Variants in RNF144B observed in about 807,000 individuals in gnomAD.
RNF144B encodes the protein E3 ubiquitin-protein ligase RNF144B.
RNF144B carries 25 observed loss-of-function variants against 40.2 expected under a neutral mutation model. The observed-to-expected ratio is 0.62, with a 90% CI of 0.45 to 0.87. RNF144B has a LOEUF of 0.87. Among genes scored for constraint, RNF144B ranks in the 40% least tolerant of loss-of-function variants. RNF144B has a pLI of 0.00. For missense variants in RNF144B, 365 were observed against 373.7 expected (o/e 0.98, Z 0.19); for synonymous variants, 145 against 136.3 (o/e 1.06, Z -0.44).
intron 2 of RNF144B, among the ~76,000 whole-genome samples, chr6:18,426,138 T>C (rs576210324): frequency 3.9e-4 from 60 of 152,362 alleles, no homozygotes; most frequent in Non-Finnish European, 7.3e-4. Context: ...CCTAGAATTT[T>C]ACTTTTGGCT....
intron 4 of RNF144B, among the ~76,000 whole-genome samples, chr6:18,452,634 G>A (rs1166948572): frequency 2.0e-5 from 3 of 151,860 alleles, no homozygotes; most frequent in Admixed American, 6.6e-5. Context: ...TATAAAAGTA[G>A]TACTTGACCT....
At chr6:18,449,623 T>G (rs995349373) in intron 4 of RNF144B, among the ~76,000 whole-genome samples, 15 of 152,038 alleles carry the variant, frequency 9.9e-5, no homozygotes, top group Non-Finnish European at 1.8e-4. Flanking sequence ...ATCTTATGTG[T>G]TAATCTATTT....
At chr6:18,417,217 AT>A in intron 2 of RNF144B, among the ~76,000 whole-genome samples, 1 of 152,182 alleles carries the variant, frequency 6.6e-6, no homozygotes, top group Non-Finnish European at 1.5e-5. Context: ...TTCCGACTAA[AT>A]TCTAGGCTTA....
In RNF144B at chr6:18,425,538, A is replaced by G. The variant is rs967117991; in HGVS notation, c.166-2043A>G. Among the ~76,000 whole-genome samples the G allele has an allele frequency of 1.3e-5, 2 of 152,050 alleles. No homozygotes were observed. The highest frequency in any genetic ancestry group is 2.4e-5 in the African/African-American group (1 of 41,390). Reference sequence around the variant, plus strand: ...TATTTCCTTGCTGCTGCTCTCTTCTATGTCCCACTGCTGCTGCTGCTGGAT... The same window carrying G: ...TATTTCCTTGCTGCTGCTCTCTTCTGTGTCCCACTGCTGCTGCTGCTGGAT... On this transcript the variant is annotated intron_variant, in intron 2 of 7. Coordinates refer to ENST00000259939, the MANE Select transcript of RNF144B (RefSeq NM_182757.4). The surrounding 1 kb of genome is among the most constrained non-coding windows in gnomAD (Gnocchi z 4.2).
rs11455735 is a variant in RNF144B, at chr6:18,388,806, A to ATT, written c.-37+1186_-37+1187dup. Reference sequence around the variant, plus strand: ...CTGCCCTTGCACACCTTTGACTGGCATTTTTTTTTTTATTTTTGTCGTGGG... The same window carrying ATT: ...CTGCCCTTGCACACCTTTGACTGGCATTTTTTTTTTTTTATTTTTGTCGTGGG... On this transcript the variant is annotated intron_variant, in intron 1 of 7. Coordinates refer to ENST00000259939, the MANE Select transcript of RNF144B (RefSeq NM_182757.4). 9.1e-4 allele frequency among the ~76,000 whole-genome samples: 136 copies of ATT among 149,932 alleles called. 1 individual carries two copies. Among genetic ancestry groups the ATT allele is most frequent in the East Asian group, 7.1e-3 (36 of 5,104 alleles).
chr6:18,387,699 A>G, intron 1 of RNF144B, 69 bp downstream of exon 1: 1 of 1,230,586 alleles, frequency 8.1e-7, no homozygotes, highest in Admixed American at 2.6e-5. Context: ...GGACTAAGGA[A>G]AAAGGACAGG....
chr6:18,435,985 C>T (rs999798334), intron 3 of RNF144B, among the ~76,000 whole-genome samples: 9 of 151,756 alleles, frequency 5.9e-5, no homozygotes, highest in African/African-American at 2.2e-4. Flanking sequence ...AACAAACCTG[C>T]ACGTTGTGCA....
chr6:18,439,832 A>G, intron 4 of RNF144B, 88 bp downstream of exon 4: 3 of 854,204 alleles, frequency 3.5e-6, no homozygotes, highest in Non-Finnish European at 6.0e-6. Flanking sequence ...AAAGGCAGCT[A>G]TGGGCTGTCA....
intron 3 of RNF144B, among the ~76,000 whole-genome samples, chr6:18,429,559 A>G (rs534370930): frequency 2.0e-5 from 3 of 151,510 alleles, no homozygotes; most frequent in Non-Finnish European, 2.9e-5. Flanking sequence ...AAATCATGGA[A>G]TAACTTTTTT....
intron 2 of RNF144B, among the ~76,000 whole-genome samples, chr6:18,409,314 G>A (rs1192241023): frequency 7.0e-6 from 1 of 142,852 alleles, no homozygotes; most frequent in Non-Finnish European, 1.5e-5. Context: ...GGAAGTGGAG[G>A]TTGCAGTGAG....
rs79462351 is a variant in RNF144B at position 18,396,986 on chromosome 6, G to A, written c.-36-2513G>A. 4.1e-3 allele frequency among the ~76,000 whole-genome samples: 629 copies of A among 152,202 alleles called. 8 individuals are homozygous for A. The highest frequency in any genetic ancestry group is 0.014 in the African/African-American group (602 of 41,518). On this transcript the variant is annotated intron_variant, in intron 1 of 7. Coordinates refer to ENST00000259939, the MANE Select transcript of RNF144B (RefSeq NM_182757.4). ...AACGCTGTGTCTTGAACTTTATCCG[G>A]CATTTGCTGAGAAAAAAACCATGTC...
At position 18,457,715 on chromosome 6, in the gene RNF144B, T is replaced by C. The variant is rs1372020480; in HGVS notation, c.536+356T>C. Among the ~76,000 whole-genome samples, 1 of 152,168 alleles carries C rather than the reference T, an allele frequency of 6.6e-6. No homozygotes were observed. The highest frequency in any genetic ancestry group is 2.4e-5 in the African/African-American group (1 of 41,434). On this transcript the variant is annotated intron_variant, in intron 5 of 7. Coordinates refer to ENST00000259939, the MANE Select transcript of RNF144B (RefSeq NM_182757.4). This position sits in a 1 kb window ranked among gnomAD's most constrained non-coding sequence, Gnocchi z 5.1. ...TATTGGTATATATCATTCTTGTTGC[T>C]TGCAAAATGAGAAAAGAAATTTTCT... is the stretch of plus-strand genomic sequence containing the variant.
Position 18,457,606 on chromosome 6 carries a change from G to T in RNF144B, c.536+247G>T, listed in dbSNP as rs527801702. ...TTGTATGAGTTTTGCTTTCTCTTTA[G>T]GTAGTGAGGCACCGTGGTCTACTGG... is the stretch of plus-strand genomic sequence containing the variant. On this transcript the variant is annotated intron_variant, in intron 5 of 7. Transcript: ENST00000259939. The surrounding 1 kb of genome is among the most constrained non-coding windows in gnomAD (Gnocchi z 5.1). Among the ~76,000 whole-genome samples the T allele has an allele frequency of 3.9e-5, 6 of 152,258 alleles. No homozygotes were observed. Among genetic ancestry groups the T allele is most frequent in the African/African-American group, 1.4e-4 (6 of 41,556 alleles).
intron 6 of RNF144B, among the ~76,000 whole-genome samples, chr6:18,461,298 T>C (rs1317677866): frequency 6.6e-6 from 1 of 152,170 alleles, no homozygotes; most frequent in African/African-American, 2.4e-5. Context: ...GGCCCTTGAG[T>C]TACAATTATG....
rs1199134844 is a variant in RNF144B at position 18,422,347 on chromosome 6, C to T, written c.166-5234C>T. On this transcript the variant is annotated intron_variant, in intron 2 of 7. Coordinates refer to ENST00000259939, the MANE Select transcript of RNF144B (RefSeq NM_182757.4). The surrounding 1 kb of genome is among the most constrained non-coding windows in gnomAD (Gnocchi z 4.7). ...AGTGTGAGATGTTATTTAGAACACA[C>T]TGGAAACATTGTGATGTCATTGTGC... Among the ~76,000 whole-genome samples the T allele has an allele frequency of 6.6e-6, 1 of 152,174 alleles. No individual in the cohort carries two copies. Among genetic ancestry groups the T allele is most frequent in the Non-Finnish European group, 1.5e-5 (1 of 68,026 alleles).
chr6:18,466,382 T>C lies in RNF144B; in HGVS notation c.*1315T>C, dbSNP rs541047704. 4 of 152,042 alleles carry C rather than the reference T, an allele frequency of 2.6e-5. No individual in the cohort carries two copies. The highest frequency in any genetic ancestry group is 9.7e-5 in the African/African-American group (4 of 41,300). The allele number at this position is 152,042 out of a possible 1,614,324, so 9.4% of individuals were successfully genotyped here. A position where few individuals can be genotyped will look rare whatever the true frequency, so the allele number is the denominator to read the frequency against. ...GTTAGGACAGTCTGAATACTTTCTG[T>C]TTCAAGGCACTGATAAAACCGCAAC... On this transcript the variant is annotated 3_prime_UTR_variant, in exon 8 of 8. Transcript: ENST00000259939.
Position 18,419,010 on chromosome 6 carries a change from C to T in RNF144B, c.166-8571C>T, listed in dbSNP as rs1038870365. ...GTGGTTTGTGTGCCAGTGGCACCAACGAGACCTGGGAACTTACAAGGAGGG... is the reference window on the plus strand; with the variant it reads ...GTGGTTTGTGTGCCAGTGGCACCAATGAGACCTGGGAACTTACAAGGAGGG... On this transcript the variant is annotated intron_variant, in intron 2 of 7. Coordinates refer to ENST00000259939, the MANE Select transcript of RNF144B (RefSeq NM_182757.4). This position sits in a 1 kb window ranked among gnomAD's most constrained non-coding sequence, Gnocchi z 4.6. 6.6e-6 allele frequency among the ~76,000 whole-genome samples: 1 copy of T among 152,018 alleles called. No individual in the cohort carries two copies. The highest frequency in any genetic ancestry group is 1.5e-5 in the Non-Finnish European group (1 of 68,002).
chr6:18,438,454 TA>T (rs1758873551), intron 3 of RNF144B, among the ~76,000 whole-genome samples: 1 of 152,178 alleles, frequency 6.6e-6, no homozygotes, highest in African/African-American at 2.4e-5. Flanking sequence ...AAAATTTGGA[TA>T]AAAATGTTTT....
rs769696901 is a variant in RNF144B at position 18,465,093 on chromosome 6, A to G, written c.*26A>G. Reference sequence around the variant, plus strand: ...AGATCTCTGTGTTCATACGCCCCAGATATGTGAGTTACATGAGATGGCACA... The same window carrying G: ...AGATCTCTGTGTTCATACGCCCCAGGTATGTGAGTTACATGAGATGGCACA... On this transcript the variant is annotated 3_prime_UTR_variant, in exon 8 of 8. Transcript: ENST00000259939. 6.2e-7 allele frequency: 1 copy of G among 1,611,600 alleles called. No homozygotes were observed. The highest frequency in any genetic ancestry group is 1.3e-5 in the African/African-American group (1 of 74,818).
Sources: gnomAD v4.1 joint callset for allele counts (sites outside exome capture counted in the v4.1 genomes callset) on GRCh38, gnomAD v4.1.1 for gene constraint, Gnocchi (gnomAD v3.1) non-coding constraint, MANE v1.5 for transcripts, NCBI Gene and HGNC (gene_info 2026-07-23, HGNC 2026-07-21) for gene names.